The following PCSK5 variants were observed in gnomAD, a reference collection of about 807,000 sequenced individuals.
PCSK5 encodes proprotein convertase subtilisin/kexin type 5.
In PCSK5, 129 loss-of-function variants were observed where a neutral mutation model predicts 233.2. That is an observed-to-expected ratio of 0.55 (90% CI 0.48 to 0.64). The LOEUF is 0.64. PCSK5 is among the 30% of genes least tolerant of loss of function. The pLI, the probability that PCSK5 is intolerant of heterozygous loss-of-function variation, is 0.00. For synonymous variants in PCSK5, 825 were observed against 879.2 expected, an observed-to-expected ratio of 0.94 and a Z score of 1.09; for missense variants, 2,076 against 2,430.1, an observed-to-expected ratio of 0.85 and a Z score of 3.06.
At chr9:76,338,171 C>G (rs908178397) in intron 34 of PCSK5, 59 bp from the exon 35 acceptor site, 36 of 1,260,422 alleles carry the variant, frequency 2.9e-5, no homozygotes, top group Middle Eastern at 5.1e-4. Context: ...TGTTTTTCCA[C>G]TGCATCCAAT....
chr9:76,319,656 G>A (rs1242197307), intron 30 of PCSK5, among the ~76,000 whole-genome samples: 1 of 152,060 alleles, frequency 6.6e-6, no homozygotes, highest in East Asian at 1.9e-4. Flanking sequence ...TCTTGAGGGA[G>A]TCAGGGAACA....
At chr9:75,952,058 A>G (rs1477958094) in intron 2 of PCSK5, among the ~76,000 whole-genome samples, 1 of 152,212 alleles carries the variant, frequency 6.6e-6, no homozygotes, top group Non-Finnish European at 1.5e-5. Context: ...TACCATTAGC[A>G]TTCTACACAC....
intron 27 of PCSK5, among the ~76,000 whole-genome samples, chr9:76,301,625 G>T (rs773097100): frequency 6.6e-6 from 1 of 152,098 alleles, no homozygotes; most frequent in African/African-American, 2.4e-5. Context: ...GGCAGATCAC[G>T]TCAGTCCAGG....
In PCSK5 at chr9:76,259,790, T is replaced by G. The variant is rs555408574; in HGVS notation, c.3142+19106T>G. On this transcript the variant is annotated intron_variant, in intron 24 of 37. Transcript: ENST00000674117. ...ATGGTGAATGATTTGAAAGCGCCCT[T>G]GTGGAGCATGGAAGAGCCATACTTC... is the stretch of plus-strand genomic sequence containing the variant. Among the ~76,000 whole-genome samples the G allele has an allele frequency of 5.3e-5, 8 of 152,146 alleles. No individual in the cohort carries two copies. The East Asian group carries it at 1.2e-3, about 22-fold the overall frequency.
Position 76,067,930 on chromosome 9 carries a change from G to A in PCSK5, c.633-25G>A, listed in dbSNP as rs564043269. On this transcript the variant is annotated intron_variant, in intron 5 of 37. Coordinates refer to ENST00000674117, the MANE Select transcript of PCSK5 (RefSeq NM_001372043.1). ...TGTGAGAATGGTGTGTCTTACTTGA[G>A]AAAGTGTGTGTGTTCTGCCTGCAGG... The A allele has an allele frequency of 4.5e-5, 71 of 1,595,322 alleles. No homozygotes were observed. In the Admixed American group the frequency reaches 6.0e-4, roughly 13 times the overall value.
chr9:75,953,535 G>A (rs949826421), intron 2 of PCSK5, among the ~76,000 whole-genome samples: 7 of 152,080 alleles, frequency 4.6e-5, no homozygotes, highest in Non-Finnish European at 1.5e-5. Flanking sequence ...GTGAGAACCT[G>A]CTGCCACGTG....
chr9:76,211,052 G>A (rs945276802), intron 20 of PCSK5, among the ~76,000 whole-genome samples: 1 of 152,208 alleles, frequency 6.6e-6, no homozygotes, highest in Non-Finnish European at 1.5e-5. Context: ...GGAGATACCT[G>A]TAAAGTATCC....
At chr9:76,302,623 G>A (rs1361700823) in intron 28 of PCSK5, among the ~76,000 whole-genome samples, 1 of 152,160 alleles carries the variant, frequency 6.6e-6, no homozygotes, top group African/African-American at 2.4e-5. Flanking sequence ...GGAGATGAGA[G>A]AAATAAAGTC....
chr9:76,333,492 G>A (rs1829593087), intron 34 of PCSK5, among the ~76,000 whole-genome samples: 1 of 152,196 alleles, frequency 6.6e-6, no homozygotes, highest in Non-Finnish European at 1.5e-5. Context: ...AAACAACGTA[G>A]ACACACGCAC....
intron 10 of PCSK5, among the ~76,000 whole-genome samples, chr9:76,142,533 A>C (rs986575141): frequency 6.6e-6 from 1 of 152,120 alleles, no homozygotes; most frequent in Admixed American, 6.6e-5. Context: ...AGAATGAGGA[A>C]AATTGTATCA....
chr9:76,289,509 A>ACACACACACG (rs1194758927), intron 24 of PCSK5, among the ~76,000 whole-genome samples: 6 of 114,826 alleles, frequency 5.2e-5, no homozygotes, highest in African/African-American at 1.4e-4. Flanking sequence ...ACACACACAC[A>ACACACACACG]CGCAACATAC....
At chr9:75,892,518 G>T (rs1825655378) in intron 1 of PCSK5, among the ~76,000 whole-genome samples, 1 of 152,254 alleles carries the variant, frequency 6.6e-6, no homozygotes, top group South Asian at 2.1e-4. Flanking sequence ...TTTCCAGCAG[G>T]CGCGCTTTGG....
At chr9:76,340,975 A>T (rs1210622106) in intron 35 of PCSK5, among the ~76,000 whole-genome samples, 1 of 151,232 alleles carries the variant, frequency 6.6e-6, no homozygotes, top group Non-Finnish European at 1.5e-5. Flanking sequence ...ACCACTATGG[A>T]AGGCTGAGGT....
intron 7 of PCSK5, among the ~76,000 whole-genome samples, chr9:76,091,022 T>G (rs1831265549): frequency 6.6e-6 from 1 of 151,906 alleles, no homozygotes; most frequent in Non-Finnish European, 1.5e-5. Flanking sequence ...TGACAGGAGG[T>G]AGAGCTCAGG....
At chr9:76,290,920 C>T (rs533066620) in intron 24 of PCSK5, among the ~76,000 whole-genome samples, 2 of 152,328 alleles carry the variant, frequency 1.3e-5, no homozygotes, top group South Asian at 2.1e-4. Context: ...TCTTGTCCAA[C>T]CAGCTCATTT....
At chr9:76,326,237 T>G (rs1000800002) in intron 32 of PCSK5, among the ~76,000 whole-genome samples, 1 of 151,978 alleles carries the variant, frequency 6.6e-6, no homozygotes, top group African/African-American at 2.4e-5. Flanking sequence ...TATACAAAAA[T>G]TAGCCAGATG....
intron 20 of PCSK5, among the ~76,000 whole-genome samples, chr9:76,215,761 G>A (rs574300666): frequency 6.6e-6 from 1 of 152,168 alleles, no homozygotes; most frequent in East Asian, 1.9e-4. Context: ...TTAACATGGT[G>A]AAACCCAGTC....
intron 5 of PCSK5, among the ~76,000 whole-genome samples, chr9:76,055,798 G>A (rs1829800251): frequency 6.6e-6 from 1 of 152,126 alleles, no homozygotes; most frequent in Admixed American, 6.6e-5. Flanking sequence ...GTTCTCATTT[G>A]TAAAATAAGA....
intron 2 of PCSK5, among the ~76,000 whole-genome samples, chr9:75,940,814 A>G (rs1056553095): frequency 1.3e-5 from 2 of 152,218 alleles, no homozygotes; most frequent in South Asian, 2.1e-4. Context: ...TAATTGATCC[A>G]TGGAGGCAAC....
Sources: gnomAD v4.1 joint callset for allele counts (sites outside exome capture counted in the v4.1 genomes callset) on GRCh38, gnomAD v4.1.1 for gene constraint, MANE v1.5 for transcripts, NCBI Gene and HGNC (gene_info 2026-07-23, HGNC 2026-07-21) for gene names.